Variants in CADM2 observed in about 807,000 individuals in gnomAD.
The protein encoded by CADM2 is immunoglobulin superfamily member 4D.
Under a neutral mutation model 49.8 loss-of-function variants are expected in CADM2, and 12 were observed. The observed-to-expected ratio is 0.24, with a 90% confidence interval of 0.15 to 0.39. The LOEUF is 0.39. Among genes scored for constraint, CADM2 ranks in the 10% least tolerant of loss-of-function variants. The probability of loss-of-function intolerance (pLI) is 1.00; values close to 1 mark genes in which losing one functional copy is unlikely to be tolerated. For missense variants in CADM2, 378 were observed against 492.3 expected (o/e 0.77, Z 2.20); for synonymous variants, 214 against 175.4 (o/e 1.22, Z -1.74).
chr3:85,721,810 T>G (rs1409303543), intron 1 of CADM2, among the ~76,000 whole-genome samples: 2 of 152,220 alleles, frequency 1.3e-5, no homozygotes, highest in Non-Finnish European at 2.9e-5. Flanking sequence ...TCTCCCACAA[T>G]GTGGCAAGCA....
At chr3:84,967,775 G>A (rs2031116116) in intron 1 of CADM2, among the ~76,000 whole-genome samples, 2 of 151,984 alleles carry the variant, frequency 1.3e-5, no homozygotes, top group South Asian at 4.1e-4. Context: ...CAACCCCCAA[G>A]GAGCACACCC....
intron 1 of CADM2, among the ~76,000 whole-genome samples, chr3:84,961,932 A>T (rs1340169827): frequency 6.6e-6 from 1 of 152,146 alleles, no homozygotes; most frequent in African/African-American, 2.4e-5. Context: ...CCTCTCTCTC[A>T]GCCTGGAGGA....
At chr3:85,489,675 C>T (rs2039579666) in intron 1 of CADM2, among the ~76,000 whole-genome samples, 1 of 138,650 alleles carries the variant, frequency 7.2e-6, no homozygotes, top group African/African-American at 2.7e-5. Context: ...AAAAATCAAA[C>T]AAAACGAAAC....
intron 1 of CADM2, among the ~76,000 whole-genome samples, chr3:85,693,394 C>T (rs973457221): frequency 3.3e-5 from 5 of 150,228 alleles, no homozygotes; most frequent in African/African-American, 1.2e-4. Flanking sequence ...TCCTGGCTAA[C>T]AGGGTGAAAC....
chr3:85,918,613 C>A (rs528454561), intron 6 of CADM2, among the ~76,000 whole-genome samples: 8 of 152,144 alleles, frequency 5.3e-5, no homozygotes, highest in Admixed American at 3.9e-4. Context: ...GTCTAAAATT[C>A]TCTTTTTTTG....
intron 1 of CADM2, among the ~76,000 whole-genome samples, chr3:85,206,488 T>C (rs1284140209): frequency 2.6e-5 from 4 of 152,048 alleles, no homozygotes; most frequent in South Asian, 4.2e-4. Context: ...TTTGTATTTT[T>C]AGTAGAGACG....
intron 8 of CADM2, among the ~76,000 whole-genome samples, chr3:86,063,265 C>T (rs1243639045): frequency 1.3e-5 from 2 of 152,196 alleles, no homozygotes; most frequent in Non-Finnish European, 2.9e-5. Flanking sequence ...TAATTCTCCT[C>T]TCCATCGCAT....
intron 7 of CADM2, among the ~76,000 whole-genome samples, chr3:85,956,280 A>G (rs1724037854): frequency 5.3e-5 from 8 of 151,734 alleles, no homozygotes; most frequent in Admixed American, 4.6e-4. Context: ...ATTGTTCTTC[A>G]TTTGTAACAA....
At chr3:85,773,942 A>T (rs893396964) in intron 2 of CADM2, among the ~76,000 whole-genome samples, 2 of 151,984 alleles carry the variant, frequency 1.3e-5, no homozygotes, top group Admixed American at 6.6e-5. Flanking sequence ...TCAAAGGGAC[A>T]TATTTTACCT....
In CADM2 at chr3:84,959,586, C is replaced by G; in HGVS notation, c.-22C>G. The G allele has an allele frequency of 6.5e-7, 1 of 1,536,434 alleles. No individual in the cohort carries two copies. Among genetic ancestry groups the G allele is most frequent in the African/African-American group, 1.4e-5 (1 of 73,150 alleles). On this transcript the variant is annotated 5_prime_UTR_variant, in exon 1 of 10. Coordinates refer to ENST00000383699, the MANE Select transcript of CADM2 (RefSeq NM_001167675.2). ...ATCTACTTGCCCCCTCGTTCCTTCCCCAGCCCTTTAGAGAAGGGACCATGA... is the reference window on the plus strand; with the variant it reads ...ATCTACTTGCCCCCTCGTTCCTTCCGCAGCCCTTTAGAGAAGGGACCATGA...
intron 1 of CADM2, among the ~76,000 whole-genome samples, chr3:85,091,287 T>A (rs1413273283): frequency 6.6e-6 from 1 of 152,084 alleles, no homozygotes; most frequent in Non-Finnish European, 1.5e-5. Context: ...GGATCTTCAA[T>A]GGCAGCTAAA....
At chr3:84,984,433 A>T (rs1296652723) in intron 1 of CADM2, among the ~76,000 whole-genome samples, 2 of 149,030 alleles carry the variant, frequency 1.3e-5, no homozygotes, top group Non-Finnish European at 3.0e-5. Context: ...CTCCCATGTT[A>T]ACTTAACTCA....
intron 1 of CADM2, among the ~76,000 whole-genome samples, chr3:85,227,539 G>A (rs1426754408): frequency 1.4e-5 from 2 of 146,988 alleles, no homozygotes; most frequent in Non-Finnish European, 3.0e-5. Flanking sequence ...CTTTGCATGT[G>A]AGATGAGTCT....
At chr3:85,935,346 A>G (rs1721078572) in intron 6 of CADM2, among the ~76,000 whole-genome samples, 1 of 152,042 alleles carries the variant, frequency 6.6e-6, no homozygotes, top group South Asian at 2.1e-4. Flanking sequence ...TGGGTTCCTT[A>G]TTGTGAGTCC....
chr3:85,767,814 C>T (rs2069732320), intron 2 of CADM2, among the ~76,000 whole-genome samples: 1 of 152,112 alleles, frequency 6.6e-6, no homozygotes. Flanking sequence ...TCCAGAAGTG[C>T]TCATCAGAAA....
intron 1 of CADM2, among the ~76,000 whole-genome samples, chr3:85,027,016 T>C (rs2034756981): frequency 6.6e-6 from 1 of 151,818 alleles, no homozygotes; most frequent in Admixed American, 6.6e-5. Flanking sequence ...TTAGTGCATC[T>C]TTTTCTACTT....
chr3:85,206,190 C>T (rs2041628719), intron 1 of CADM2, among the ~76,000 whole-genome samples: 1 of 151,846 alleles, frequency 6.6e-6, no homozygotes, highest in South Asian at 2.1e-4. Flanking sequence ...TCTCACTTTC[C>T]TCATTTGTCA....
intron 2 of CADM2, among the ~76,000 whole-genome samples, chr3:85,760,368 T>G (rs1470130424): frequency 6.6e-6 from 1 of 152,108 alleles, no homozygotes; most frequent in East Asian, 1.9e-4. Context: ...GAAAATCATT[T>G]TATCTGAGCA....
intron 1 of CADM2, among the ~76,000 whole-genome samples, chr3:85,447,577 A>C (rs773181358): frequency 6.6e-6 from 1 of 152,174 alleles, no homozygotes; most frequent in South Asian, 2.1e-4. Flanking sequence ...TCAAGTTTGC[A>C]TTCTATCTAC....
Sources: allele counts gnomAD v4.1 joint callset (sites outside exome capture counted in the v4.1 genomes callset), GRCh38; gene constraint gnomAD v4.1.1; transcripts MANE v1.5; gene names NCBI Gene and HGNC (gene_info 2026-07-23, HGNC 2026-07-21).